Variants in PDYN observed in about 807,000 individuals in gnomAD.
PDYN encodes the protein prodynorphin.
PDYN carries 5 observed loss-of-function variants against 11.4 expected under a neutral mutation model. The ratio of observed to expected loss-of-function variants is 0.44; its 90% CI spans 0.23 to 0.92. The LOEUF is 0.92. Among genes scored for constraint, PDYN ranks in the 40% least tolerant of loss-of-function variants. The pLI is 0.24. For missense variants in PDYN, 337 were observed against 317.3 expected (o/e 1.06, Z -0.47); for synonymous variants, 132 against 129.5 (o/e 1.02, Z -0.13).
At chr20:1,990,182 A>G (rs1988372582) in intron 2 of PDYN, among the ~76,000 whole-genome samples, 1 of 152,184 alleles carries the variant, frequency 6.6e-6, no homozygotes, top group South Asian at 2.1e-4. Flanking sequence ...GATGGGGAAA[A>G]CAGAGGCTCA....
rs780440529 is a variant in PDYN at position 1,980,941 on chromosome 20, G to T, written c.147C>A (p.Cys49Ter). 2 of 1,613,938 alleles carry T rather than the reference G, an allele frequency of 1.2e-6. No individual in the cohort carries two copies. The highest frequency in any genetic ancestry group is 1.3e-5 in the African/African-American group (1 of 74,910). ...PINPLICSLQCQAALLPSEEW... is the reference protein window; with the variant it reads ...PINPLICSLQ ...CCTCAGAGGGCAGCAGGGCAGCCTG[G>T]CATTGCAGGGAGCAAATCTGCAAAA... Residue 49 changes from cysteine to a stop codon, truncating the protein, a stop_gained, in exon 4 of 4, where the codon TGC (cysteine) becomes TGA (stop). Coordinates refer to ENST00000217305, the MANE Select transcript of PDYN (RefSeq NM_024411.5). LOFTEE classifies it low-confidence loss of function (END_TRUNC).
At chr20:1,988,789 T>C (rs569602608) in intron 2 of PDYN, among the ~76,000 whole-genome samples, 1 of 152,240 alleles carries the variant, frequency 6.6e-6, no homozygotes, top group African/African-American at 2.4e-5. Context: ...GTGGGGTGAT[T>C]CTCCCCTAAC....
rs1987555337 is a variant in PDYN, at chr20:1,979,131, T to C, written c.*1192A>G. Reference sequence around the variant, plus strand: ...GTCTCTGCCTCTGATTCAGGGTTATTTGAATCAAGGGAACTCATTTGGCCT... The same window carrying C: ...GTCTCTGCCTCTGATTCAGGGTTATCTGAATCAAGGGAACTCATTTGGCCT... On this transcript the variant is annotated 3_prime_UTR_variant, in exon 4 of 4. Coordinates refer to ENST00000217305, the MANE Select transcript of PDYN (RefSeq NM_024411.5). The C allele has an allele frequency of 1.3e-5, 2 of 152,222 alleles. No individual in the cohort carries two copies. Among genetic ancestry groups the C allele is most frequent in the African/African-American group, 4.8e-5 (2 of 41,466 alleles). 9.4% of individuals were successfully genotyped at this position (152,222 alleles called of 1,614,324 possible). A position where few individuals can be genotyped will look rare whatever the true frequency, so the allele number is the denominator to read the frequency against.
chr20:1,991,080 G>A (rs920587555), intron 2 of PDYN, among the ~76,000 whole-genome samples: 2 of 151,990 alleles, frequency 1.3e-5, no homozygotes, highest in African/African-American at 4.8e-5. Context: ...GAGAGAAGTG[G>A]GGAGGGAGAG....
chr20:1,979,518 C>G lies in PDYN; in HGVS notation c.*805G>C, dbSNP rs1987581502. The G allele has an allele frequency of 6.6e-6, 1 of 152,262 alleles. No individual in the cohort carries two copies. The highest frequency in any genetic ancestry group is 1.5e-5 in the Non-Finnish European group (1 of 68,094). 9.4% of individuals were successfully genotyped at this position (152,262 alleles called of 1,614,324 possible). A position where few individuals can be genotyped will look rare whatever the true frequency, so the allele number is the denominator to read the frequency against. ...CTTTCTCCCTCCTTGATCATTTAAG[C>G]ATTCAAGAGGCTGCTCTCAATCATT... On this transcript the variant is annotated 3_prime_UTR_variant, in exon 4 of 4. Coordinates refer to ENST00000217305, the MANE Select transcript of PDYN (RefSeq NM_024411.5).
chr20:1,982,338 T>C (rs1987871507), intron 3 of PDYN, among the ~76,000 whole-genome samples: 1 of 152,126 alleles, frequency 6.6e-6, no homozygotes, highest in Non-Finnish European at 1.5e-5. Context: ...AAACCGAGGC[T>C]TAGAGAGGGA....
At chr20:1,991,565 TACC>T (rs1988449895) in intron 2 of PDYN, among the ~76,000 whole-genome samples, 2 of 152,230 alleles carry the variant, frequency 1.3e-5, no homozygotes, top group Non-Finnish European at 2.9e-5. Context: ...GTTCACTGCC[TACC>T]ACAGTGGCCA....
chr20:1,982,499 A>G (rs1600512976), intron 3 of PDYN, among the ~76,000 whole-genome samples: 1 of 152,092 alleles, frequency 6.6e-6, no homozygotes, highest in East Asian at 1.9e-4. Flanking sequence ...TAGGGTCAAG[A>G]GGTGCTAAGG....
intron 2 of PDYN, among the ~76,000 whole-genome samples, chr20:1,990,509 C>T (rs1026476031): frequency 3.5e-4 from 53 of 152,230 alleles, no homozygotes; most frequent in African/African-American, 1.2e-3. Context: ...GAAGGAGGCT[C>T]GGGTTCTGAA....
intron 3 of PDYN, among the ~76,000 whole-genome samples, chr20:1,981,620 A>T (rs1987798634): frequency 6.6e-6 from 1 of 152,116 alleles, no homozygotes; most frequent in Non-Finnish European, 1.5e-5. Context: ...CAGTGGCTAG[A>T]ATTATGTATT....
intron 2 of PDYN, among the ~76,000 whole-genome samples, chr20:1,988,626 G>C (rs1302555797): frequency 3.3e-5 from 5 of 152,226 alleles, no homozygotes; most frequent in Non-Finnish European, 7.3e-5. Context: ...CTGATGGAGG[G>C]CCTGCATGGT....
At chr20:1,991,011 G>C (rs570701591) in intron 2 of PDYN, among the ~76,000 whole-genome samples, 94 of 151,264 alleles carry the variant, frequency 6.2e-4, no homozygotes, top group Non-Finnish European at 1.2e-3. Context: ...GAAGGGAAGG[G>C]GGTGAGGAGG....
intron 2 of PDYN, among the ~76,000 whole-genome samples, chr20:1,984,031 G>T (rs1055349456): frequency 2.0e-5 from 3 of 152,176 alleles, no homozygotes; most frequent in African/African-American, 7.2e-5. Context: ...CTCCCTGATT[G>T]CCTAGGCTAG....
rs780894307 is a variant in PDYN, at chr20:1,979,977, C to T, written c.*346G>A. 3.1e-4 allele frequency: 121 copies of T among 386,916 alleles called. 2 individuals are homozygous for T. Among genetic ancestry groups the T allele is most frequent in the Middle Eastern group, 2.7e-3 (4 of 1,476 alleles). The allele number at this position is 386,916 out of a possible 1,614,324, so 24.0% of individuals were successfully genotyped here. On this transcript the variant is annotated 3_prime_UTR_variant, in exon 4 of 4. Coordinates refer to ENST00000217305, the MANE Select transcript of PDYN (RefSeq NM_024411.5). ...CATAGACCTACAGGTACAAAGAACA[C>T]ATCGCTCTGGTTCCCTGGAATTGAG...
chr20:1,988,091 C>G (rs1988270650), intron 2 of PDYN, among the ~76,000 whole-genome samples: 1 of 152,228 alleles, frequency 6.6e-6, no homozygotes, highest in Admixed American at 6.5e-5. Context: ...CCAGCAACAG[C>G]CACCGATTCT....
At chr20:1,981,437 G>A (rs1211126964) in intron 3 of PDYN, among the ~76,000 whole-genome samples, 1 of 152,116 alleles carries the variant, frequency 6.6e-6, no homozygotes, top group Non-Finnish European at 1.5e-5. Context: ...GGGGTGGGGG[G>A]CAATGGCATC....
rs201655505 is a variant in PDYN, at chr20:1,980,444, C to T, written c.644G>A (p.Arg215His). ...CTGGTTGTCCCACTTGAGCTTGGGA[C>T]GAATGCGCCGCAAGAAGCCCCCATA... Reference protein sequence around the residue: ...KRYGGFLRRIRPKLKWDNQKR... With the variant: ...KRYGGFLRRIHPKLKWDNQKR... Residue 215 changes from arginine to histidine, a missense_variant, in exon 4 of 4, where the codon CGT becomes CAT. By Grantham distance (29) the Arg-to-His change is conservative. Coordinates refer to ENST00000217305, the MANE Select transcript of PDYN (RefSeq NM_024411.5). The T allele has an allele frequency of 1.3e-5, 21 of 1,614,176 alleles. No homozygotes were observed. The highest frequency in any genetic ancestry group is 2.7e-5 in the African/African-American group (2 of 75,042).
intron 2 of PDYN, among the ~76,000 whole-genome samples, chr20:1,989,845 G>A (rs1156724955): frequency 2.0e-5 from 3 of 152,190 alleles, no homozygotes; most frequent in African/African-American, 7.2e-5. Context: ...CAATGACCCT[G>A]CAATGACAAC....
chr20:1,989,376 G>A (rs896913254), intron 2 of PDYN, among the ~76,000 whole-genome samples: 8 of 152,056 alleles, frequency 5.3e-5, no homozygotes, highest in East Asian at 3.9e-4. Context: ...TGGGCTCTGC[G>A]GTCATTTGGT....
Sources: gnomAD v4.1 joint callset for allele counts (sites outside exome capture counted in the v4.1 genomes callset) on GRCh38, gnomAD v4.1.1 for gene constraint, MANE v1.5 for transcripts, NCBI Gene and HGNC (gene_info 2026-07-23, HGNC 2026-07-21) for gene names.